The following FZD6 variants were observed in gnomAD, a reference collection of about 807,000 sequenced individuals.
FZD6 encodes frizzled class receptor 6, also known as frizzled-6.
Under a neutral mutation model 61.4 loss-of-function variants are expected in FZD6, and 49 were observed. The observed-to-expected ratio is 0.80, with a 90% CI of 0.63 to 1.01. The LOEUF is 1.01. Among genes scored for constraint, FZD6 ranks in the 50% least tolerant of loss-of-function variants. The pLI, the probability that FZD6 is intolerant of heterozygous loss-of-function variation, is 0.00. For missense variants in FZD6, 724 were observed against 848.2 expected, an observed-to-expected ratio of 0.85 and a Z score of 1.82; for synonymous variants, 265 against 292.2, an observed-to-expected ratio of 0.91 and a Z score of 0.95.
chr8:103,312,681 A>G (rs1442009976), intron 2 of FZD6, among the ~76,000 whole-genome samples: 1 of 152,226 alleles, frequency 6.6e-6, no homozygotes, highest in Non-Finnish European at 1.5e-5. Context: ...AGACTGTGAA[A>G]ATATGTTCAT....
chr8:103,331,866 T>C lies in FZD6; in HGVS notation c.*357T>C, dbSNP rs905297334. On this transcript the variant is annotated 3_prime_UTR_variant, in exon 7 of 7. Coordinates refer to ENST00000358755, the MANE Select transcript of FZD6 (RefSeq NM_003506.4). ...TTGATATAAAATCAAGATATTTCTT[T>C]GCTGAAGTATTTAAATCTTATCCTT... is the stretch of plus-strand genomic sequence containing the variant. The C allele has an allele frequency of 1.8e-5, 4 of 218,182 alleles. No homozygotes were observed. The highest frequency in any genetic ancestry group is 5.3e-5 in the Admixed American group (1 of 19,012). 13.5% of individuals were successfully genotyped at this position (218,182 alleles called of 1,614,324 possible).
intron 4 of FZD6, among the ~76,000 whole-genome samples, chr8:103,327,693 A>C (rs1228667244): frequency 6.6e-6 from 1 of 152,188 alleles, no homozygotes; most frequent in African/African-American, 2.4e-5. Flanking sequence ...AAAAAAGGCA[A>C]GAAATGCAGA....
intron 2 of FZD6, among the ~76,000 whole-genome samples, chr8:103,300,656 A>T (rs1184351099): frequency 6.6e-6 from 1 of 152,208 alleles, no homozygotes; most frequent in Non-Finnish European, 1.5e-5. Flanking sequence ...CCTGGACTAA[A>T]ACTGAAGAAA....
chr8:103,309,960 G>T (rs1814447897), intron 2 of FZD6, among the ~76,000 whole-genome samples: 1 of 152,160 alleles, frequency 6.6e-6, no homozygotes, highest in Non-Finnish European at 1.5e-5. Flanking sequence ...CCCAAGGCGT[G>T]CTGGGGTGAA....
chr8:103,328,232 A>G lies in FZD6; in HGVS notation c.1393-36A>G, dbSNP rs772578075. 7 of 1,526,104 alleles carry G rather than the reference A, an allele frequency of 4.6e-6. No individual in the cohort carries two copies. The Admixed American group carries it at 6.7e-5, about 15-fold the overall frequency. The allele number at this position is 1,526,104 out of a possible 1,614,324, so 94.5% of individuals were successfully genotyped here. A position where few individuals can be genotyped will look rare whatever the true frequency, so the allele number is the denominator to read the frequency against. On this transcript the variant is annotated intron_variant, in intron 4 of 6. Coordinates refer to ENST00000358755, the MANE Select transcript of FZD6 (RefSeq NM_003506.4). ...ATAGACTTCTTTCCACTTTAAGTGC[A>G]TCACTGAAAATATTATTATTCACTA...
chr8:103,309,445 G>A (rs1283991343), intron 2 of FZD6, among the ~76,000 whole-genome samples: 1 of 152,170 alleles, frequency 6.6e-6, no homozygotes, highest in Non-Finnish European at 1.5e-5. Flanking sequence ...CAATCCACTG[G>A]AAAGTTGAAA....
In FZD6 at chr8:103,327,021, T is replaced by C. The variant is rs192872866; in HGVS notation, c.1393-1247T>C. The stretch of plus-strand genomic sequence containing the variant: ...AACCACTGTGTGGTGAAACAATAAA[T>C]AGCAAAATACATATTTTCAGACTTT... On this transcript the variant is annotated intron_variant, in intron 4 of 6. Transcript: ENST00000358755. 2.8e-3 allele frequency among the ~76,000 whole-genome samples: 424 copies of C among 152,334 alleles called. 3 individuals carry two copies. Among genetic ancestry groups the C allele is most frequent in the African/African-American group, 9.7e-3 (404 of 41,578 alleles).
chr8:103,313,225 G>A (rs1814544492), intron 2 of FZD6, among the ~76,000 whole-genome samples: 1 of 152,168 alleles, frequency 6.6e-6, no homozygotes, highest in African/African-American at 2.4e-5. Context: ...CACAGTGCCT[G>A]GTTTATGGTA....
At chr8:103,326,508 T>C (rs1183126295) in intron 4 of FZD6, among the ~76,000 whole-genome samples, 1 of 152,026 alleles carries the variant, frequency 6.6e-6, no homozygotes, top group Non-Finnish European at 1.5e-5. Context: ...AAGTTTAAGA[T>C]CTATGGTTTT....
chr8:103,305,855 G>A (rs1363189588), intron 2 of FZD6, among the ~76,000 whole-genome samples: 2 of 152,222 alleles, frequency 1.3e-5, no homozygotes, highest in East Asian at 1.9e-4. Flanking sequence ...CTGCTGATAA[G>A]CACAAGGTTC....
chr8:103,329,013 T>TTATATATATATATATATATCTATA (rs55730772), intron 5 of FZD6, among the ~76,000 whole-genome samples: 13 of 115,178 alleles, frequency 1.1e-4, no homozygotes, highest in South Asian at 3.0e-4. Context: ...CATTTTAGTT[T>TTATATATATATATATATATCTATA]TATATATATA....
At chr8:103,323,493 C>G (rs1417220207) in intron 3 of FZD6, among the ~76,000 whole-genome samples, 1 of 151,082 alleles carries the variant, frequency 6.6e-6, no homozygotes, top group South Asian at 2.1e-4. Context: ...TGCAGTGGCT[C>G]GGTCTTGTCT....
chr8:103,324,158 A>C (rs558146296), intron 3 of FZD6, among the ~76,000 whole-genome samples: 18 of 152,356 alleles, frequency 1.2e-4, no homozygotes, highest in Non-Finnish European at 1.0e-4. Flanking sequence ...ATTAAGATAA[A>C]TTCTTTTAAA....
At chr8:103,299,860 T>G (rs1372032498) in intron 1 of FZD6, 96 bp from the exon 2 acceptor site, 2 of 455,748 alleles carry the variant, frequency 4.4e-6, no homozygotes, top group African/African-American at 4.0e-5. Context: ...TTTTCCAGTG[T>G]TTGTTACCTG....
At position 103,319,605 on chromosome 8, in the gene FZD6, C is replaced by T. The variant is rs367999238; in HGVS notation, c.374+819C>T. Among the ~76,000 whole-genome samples, 23 of 152,276 alleles carry T rather than the reference C, an allele frequency of 1.5e-4. No homozygotes were observed. In the East Asian group the frequency reaches 2.9e-3, roughly 19 times the overall value. ...TGGGAGAGAGAAGGTAGAGAACTCA[C>T]GCCTTTTCTTGAGTGCCTCAGATGG... On this transcript the variant is annotated intron_variant, in intron 3 of 6. Transcript: ENST00000358755.
Position 103,328,249 on chromosome 8 carries a change from T to C in FZD6, c.1393-19T>C, listed in dbSNP as rs761036446. On this transcript the variant is annotated intron_variant, in intron 4 of 6. Coordinates refer to ENST00000358755, the MANE Select transcript of FZD6 (RefSeq NM_003506.4). ...TTAAGTGCATCACTGAAAATATTAT[T>C]ATTCACTATTTTTTGTAGGCAAAAG... is the stretch of plus-strand genomic sequence containing the variant. 1 of 1,584,698 alleles carries C rather than the reference T, an allele frequency of 6.3e-7. No homozygotes were observed. Among genetic ancestry groups the C allele is most frequent in the Non-Finnish European group, 8.7e-7 (1 of 1,153,428 alleles).
At chr8:103,329,023 A>ATATATATATG (rs1480209037) in intron 5 of FZD6, among the ~76,000 whole-genome samples, 6 of 144,610 alleles carry the variant, frequency 4.1e-5, no homozygotes, top group Non-Finnish European at 9.1e-5. Flanking sequence ...TTATATATAT[A>ATATATATATG]TATATATATG....
chr8:103,321,554 G>T (rs1210161838), intron 3 of FZD6, among the ~76,000 whole-genome samples: 1 of 152,150 alleles, frequency 6.6e-6, no homozygotes, highest in Non-Finnish European at 1.5e-5. Flanking sequence ...ACATAACTGT[G>T]GTAAAAACAT....
chr8:103,318,815 T>C lies in FZD6; in HGVS notation c.374+29T>C, dbSNP rs372087206. 70 of 1,297,556 alleles carry C rather than the reference T, an allele frequency of 5.4e-5. No individual in the cohort carries two copies. The Middle Eastern group carries it at 5.5e-4, about 10-fold the overall frequency. 80.4% of individuals were successfully genotyped at this position (1,297,556 alleles called of 1,614,324 possible). ...AACAATGTTTTTCATGGAAAGCTAC[T>C]AATGGTATTTTACTACTGGTACTAG... On this transcript the variant is annotated intron_variant, in intron 3 of 6. Transcript: ENST00000358755.
Sources: allele counts gnomAD v4.1 joint callset (sites outside exome capture counted in the v4.1 genomes callset), GRCh38; gene constraint gnomAD v4.1.1; transcripts MANE v1.5; gene names NCBI Gene and HGNC (gene_info 2026-07-23, HGNC 2026-07-21).